ADAM32: variants seen among roughly 807,000 people sequenced by gnomAD.
ADAM32 encodes the protein ADAM metallopeptidase domain 32.
A neutral mutation model predicts 114.9 loss-of-function variants in ADAM32; 89 were observed. The ratio of observed to expected loss-of-function variants is 0.77; its 90% CI spans 0.65 to 0.92. ADAM32 has a LOEUF of 0.92. Among genes scored for constraint, ADAM32 ranks in the 40% least tolerant of loss-of-function variants. The probability of loss-of-function intolerance (pLI) is 0.00; values close to 1 mark genes in which losing one functional copy is unlikely to be tolerated. For missense variants in ADAM32, 870 were observed against 932.8 expected (o/e 0.93, Z 0.88); for synonymous variants, 285 against 307.5 (o/e 0.93, Z 0.77).
intron 1 of ADAM32, among the ~76,000 whole-genome samples, chr8:39,108,735 C>T (rs1840030488): frequency 1.3e-5 from 2 of 152,170 alleles, no homozygotes; most frequent in Admixed American, 1.3e-4. Context: ...GAGAACTCTT[C>T]CTACTCTTCT....
chr8:39,216,355 A>G (rs1292003048), intron 12 of ADAM32, among the ~76,000 whole-genome samples: 3 of 151,972 alleles, frequency 2.0e-5, no homozygotes, highest in Non-Finnish European at 4.4e-5. Flanking sequence ...AAATTCGTTC[A>G]GCCACTCTTT....
chr8:39,151,574 C>T (rs950930480), intron 6 of ADAM32, 26 bp downstream of exon 6: 1 of 1,407,312 alleles, frequency 7.1e-7, no homozygotes, highest in Non-Finnish European at 9.4e-7. Context: ...TTTATTACTA[C>T]TTTTAAAGCA....
intron 1 of ADAM32, among the ~76,000 whole-genome samples, chr8:39,108,465 G>C (rs1840019254): frequency 6.6e-6 from 1 of 152,090 alleles, no homozygotes. Context: ...ATGGCAGTGG[G>C]AGCTGACTAA....
At chr8:39,195,177 A>AG (rs1489642515) in intron 11 of ADAM32, among the ~76,000 whole-genome samples, 1 of 152,110 alleles carries the variant, frequency 6.6e-6, no homozygotes, top group Non-Finnish European at 1.5e-5. Flanking sequence ...AAGATCTGCT[A>AG]GGAGCCCACC....
intron 3 of ADAM32, among the ~76,000 whole-genome samples, chr8:39,140,625 G>A (rs1232989817): frequency 6.6e-6 from 1 of 152,100 alleles, no homozygotes; most frequent in Non-Finnish European, 1.5e-5. Context: ...TTTTTTGTGT[G>A]TGTCTCTACC....
rs188744410 is a variant in ADAM32, at chr8:39,149,617, G to C, written c.277-174G>C. Among the ~76,000 whole-genome samples, 130 of 152,232 alleles carry C rather than the reference G, an allele frequency of 8.5e-4. 1 individual carries two copies. The highest frequency in any genetic ancestry group is 1.6e-3 in the Non-Finnish European group (106 of 67,968). The stretch of plus-strand genomic sequence containing the variant: ...TCTATTATAAAGTGTAGTTAACATA[G>C]TGTAAGTGGCAATTATGGGGAGAAT... On this transcript the variant is annotated intron_variant, in intron 4 of 24. Coordinates refer to ENST00000379907, the MANE Select transcript of ADAM32 (RefSeq NM_145004.7).
intron 11 of ADAM32, among the ~76,000 whole-genome samples, chr8:39,193,170 A>G (rs961463365): frequency 2.6e-5 from 4 of 152,228 alleles, no homozygotes; most frequent in African/African-American, 7.2e-5. Context: ...ACATAATCCC[A>G]TATTTCCTGG....
At chr8:39,174,555 A>G (rs12675693) in intron 10 of ADAM32, among the ~76,000 whole-genome samples, 22,132 of 151,710 alleles carry the variant, frequency 0.15, 1,793 homozygotes, top group Middle Eastern at 0.26. Flanking sequence ...CATGTGCACA[A>G]TGTGCAGGTT....
At chr8:39,204,658 C>G (rs1486045637) in intron 11 of ADAM32, among the ~76,000 whole-genome samples, 1 of 152,224 alleles carries the variant, frequency 6.6e-6, no homozygotes, top group African/African-American at 2.4e-5. Context: ...CAGCTTTGTT[C>G]CATTGCTGGC....
At chr8:39,114,042 GA>G (rs1400956648) in intron 1 of ADAM32, among the ~76,000 whole-genome samples, 5 of 152,080 alleles carry the variant, frequency 3.3e-5, no homozygotes, top group Non-Finnish European at 7.4e-5. Flanking sequence ...ACTAACTAAT[GA>G]GACTTTAATT....
chr8:39,128,949 T>C (rs1038500011), intron 2 of ADAM32, among the ~76,000 whole-genome samples: 3 of 152,158 alleles, frequency 2.0e-5, no homozygotes, highest in Non-Finnish European at 2.9e-5. Context: ...TTTTGGTAAA[T>C]TTATCATCAA....
At chr8:39,154,033 C>CAT (rs59934573) in intron 6 of ADAM32, among the ~76,000 whole-genome samples, 40 of 139,450 alleles carry the variant, frequency 2.9e-4, no homozygotes, top group African/African-American at 1.0e-3. Flanking sequence ...GAAAGTTCCT[C>CAT]ATATATATAT....
At position 39,201,523 on chromosome 8, in the gene ADAM32, T is replaced by G. The variant is rs188065490; in HGVS notation, c.1053-9621T>G. ...AGTTGCTTATCCGCTTAAGGAGATT[T>G]TGGGCTGAGACGTTGGGGTTTTCTA... On this transcript the variant is annotated intron_variant, in intron 11 of 24. Transcript: ENST00000379907. 3.4e-3 allele frequency among the ~76,000 whole-genome samples: 514 copies of G among 152,304 alleles called. 7 individuals are homozygous for G. The highest frequency in any genetic ancestry group is 0.011 in the African/African-American group (469 of 41,548).
intron 10 of ADAM32, among the ~76,000 whole-genome samples, chr8:39,171,469 T>C (rs1009836880): frequency 1.3e-5 from 2 of 152,170 alleles, no homozygotes; most frequent in East Asian, 3.9e-4. Flanking sequence ...TGTAGCTCTC[T>C]CTATATATAT....
intron 23 of ADAM32, among the ~76,000 whole-genome samples, chr8:39,282,348 C>T (rs1813472880): frequency 6.6e-6 from 1 of 152,098 alleles, no homozygotes; most frequent in African/African-American, 2.4e-5. Context: ...ACATATAATT[C>T]TTAGTGGTGT....
intron 12 of ADAM32, 119 bp downstream of exon 12, chr8:39,211,443 AGTT>A (rs1183077930): frequency 9.7e-7 from 1 of 1,032,790 alleles, no homozygotes; most frequent in African/African-American, 1.7e-5. Flanking sequence ...CAGTAAGTGA[AGTT>A]GGGTCGAAAT....
chr8:39,151,502 G>C lies in ADAM32; in HGVS notation c.479G>C (p.Ser160Thr). The C allele has an allele frequency of 6.3e-7, 1 of 1,595,958 alleles. No homozygotes were observed. The highest frequency in any genetic ancestry group is 8.5e-7 in the Non-Finnish European group (1 of 1,174,172). Residue 160 changes from serine to threonine, a missense_variant, in exon 6 of 25, where the codon AGC (serine) becomes ACC (threonine). Transcript: ENST00000379907. ...GATATTGCAATTTTTATTGACAGAA[G>C]CCTGAAAGAACAACCAATGGATGAC... ...DNDIAIFIDR[S>T]LKEQPMDDNI...
chr8:39,157,796 G>C, intron 6 of ADAM32: 1 of 1,211,470 alleles, frequency 8.3e-7, no homozygotes, highest in Non-Finnish European at 1.2e-6. Context: ...CCACCCAGAG[G>C]GTTGATGCTC....
intron 6 of ADAM32, among the ~76,000 whole-genome samples, chr8:39,160,607 A>C (rs1338567998): frequency 6.8e-6 from 1 of 147,884 alleles, no homozygotes; most frequent in African/African-American, 2.5e-5. Flanking sequence ...GCAAAAGTTT[A>C]TTTCTGATAT....
Sources: allele counts gnomAD v4.1 joint callset (sites outside exome capture counted in the v4.1 genomes callset), GRCh38; gene constraint gnomAD v4.1.1; transcripts MANE v1.5; gene names NCBI Gene and HGNC (gene_info 2026-07-23, HGNC 2026-07-21).